The following CACNA1A variants were observed in gnomAD, a reference collection of about 807,000 sequenced individuals.
CACNA1A encodes the protein calcium voltage-gated channel subunit alpha1 A.
A neutral mutation model predicts 262.4 loss-of-function variants in CACNA1A; 57 were observed. That is an observed-to-expected ratio of 0.22 (90% CI 0.18 to 0.27). CACNA1A has a LOEUF of 0.27. Among genes scored for constraint, CACNA1A ranks in the 10% least tolerant of loss-of-function variants. CACNA1A has a pLI of 1.00. For missense variants in CACNA1A, 2,526 were observed against 3,562.8 expected, an observed-to-expected ratio of 0.71 and a Z score of 7.41; for synonymous variants, 1,431 against 1,419.3, an observed-to-expected ratio of 1.01 and a Z score of -0.18.
At chr19:13,320,006 A>T (rs2058215134) in intron 10 of CACNA1A, among the ~76,000 whole-genome samples, 1 of 152,158 alleles carries the variant, frequency 6.6e-6, no homozygotes, top group Non-Finnish European at 1.5e-5. Context: ...GGCCAGGCCC[A>T]GTGGCTGTGA....
At chr19:13,228,277 G>C (rs1375427686) in intron 36 of CACNA1A, among the ~76,000 whole-genome samples, 6 of 151,872 alleles carry the variant, frequency 4.0e-5, no homozygotes, top group Non-Finnish European at 8.8e-5. Flanking sequence ...GGGGGCCTAG[G>C]TGGGGAGCAG....
Position 13,283,380 on chromosome 19 carries a change from G to A in CACNA1A, c.3709C>T (p.His1237Tyr). 6.2e-7 allele frequency: 1 copy of A among 1,613,964 alleles called. No individual in the cohort carries two copies. ...AAGTAGCGCAGGTTCAGGATGTAAT[G>A]GCACAGGCGGCGAAGGCTGTTGGAG... is the stretch of plus-strand genomic sequence containing the variant. The part of the protein sequence containing the change: ...STTNPLRRLC[H>Y]YILNLRYFEM... The change falls in exon 22 of 47, where the codon CAT becomes TAT. Residue 1237 changes from histidine to tyrosine, a missense_variant. By Grantham distance (83) the His-to-Tyr change is moderately conservative. Coordinates refer to ENST00000360228, the MANE Select transcript of CACNA1A (RefSeq NM_001127222.2).
chr19:13,389,575 A>C (rs780511324), intron 3 of CACNA1A, among the ~76,000 whole-genome samples: 6 of 151,996 alleles, frequency 3.9e-5, no homozygotes, highest in African/African-American at 4.8e-5. Context: ...GCTTATTCAC[A>C]TATTTTTTCC....
chr19:13,238,845 C>T (rs1228871550), intron 31 of CACNA1A, among the ~76,000 whole-genome samples: 4 of 152,138 alleles, frequency 2.6e-5, no homozygotes, highest in African/African-American at 9.7e-5. Flanking sequence ...CCTCAGCCTC[C>T]CAAAGTGCTG....
intron 38 of CACNA1A, among the ~76,000 whole-genome samples, chr19:13,216,632 AT>A (rs1164626857): frequency 2.6e-5 from 4 of 151,422 alleles, no homozygotes; most frequent in Admixed American, 2.6e-4. Flanking sequence ...CTGGCCTATT[AT>A]TTTTTTTAAA....
rs2059191701 is a variant in CACNA1A, at chr19:13,365,471, TG to T, written c.632-3del. The T allele has an allele frequency of 6.2e-7, 1 of 1,613,002 alleles. No homozygotes were observed. The highest frequency in any genetic ancestry group is 1.1e-5 in the South Asian group (1 of 90,996). On this transcript the variant is annotated splice_region_variant and splice_polypyrimidine_tract_variant and intron_variant, in intron 4 of 46. Coordinates refer to ENST00000360228, the MANE Select transcript of CACNA1A (RefSeq NM_001127222.2). ...TCGACTTCAGGACGACTTGTAAACCTGGGGGGACACAGAGAGAGGCCCCATA... is the reference window on the plus strand; with the variant it reads ...TCGACTTCAGGACGACTTGTAAACCTGGGGGACACAGAGAGAGGCCCCATA...
At chr19:13,455,030 G>A (rs2144946623) in intron 2 of CACNA1A, 77 bp downstream of exon 2, 1 of 808,434 alleles carries the variant, frequency 1.2e-6, no homozygotes, top group Non-Finnish European at 2.1e-6. Context: ...AGCCTCCTCT[G>A]TGCCCTGCTC....
At chr19:13,208,524 G>A (rs1233594056) in intron 46 of CACNA1A, among the ~76,000 whole-genome samples, 2 of 150,676 alleles carry the variant, frequency 1.3e-5, no homozygotes, top group Non-Finnish European at 3.0e-5. Flanking sequence ...CGGCGGGGAG[G>A]GGGCGGCGGG....
At chr19:13,427,309 A>T (rs923911944) in intron 3 of CACNA1A, among the ~76,000 whole-genome samples, 1 of 152,022 alleles carries the variant, frequency 6.6e-6, no homozygotes, top group Admixed American at 6.6e-5. Flanking sequence ...TAAATTAGCC[A>T]GGCGTGGTGG....
chr19:13,234,816 G>T, intron 34 of CACNA1A, 105 bp downstream of exon 34: 1 of 789,052 alleles, frequency 1.3e-6, no homozygotes, highest in Admixed American at 2.0e-5. Context: ...AGGAGGGCAC[G>T]TCTTGCATTG....
At chr19:13,359,040 T>G (rs138470800) in intron 6 of CACNA1A, among the ~76,000 whole-genome samples, 133 of 152,310 alleles carry the variant, frequency 8.7e-4, no homozygotes, top group African/African-American at 2.9e-3. Flanking sequence ...TGGCCCTCAG[T>G]TGGGTTACGA....
At chr19:13,457,138 C>T (rs2061027458) in intron 1 of CACNA1A, among the ~76,000 whole-genome samples, 1 of 152,032 alleles carries the variant, frequency 6.6e-6, no homozygotes, top group Non-Finnish European at 1.5e-5. Context: ...GTAGTGCCAG[C>T]TACTTGGGAG....
chr19:13,379,486 G>A (rs532409906), intron 3 of CACNA1A, among the ~76,000 whole-genome samples: 3 of 152,252 alleles, frequency 2.0e-5, no homozygotes. Context: ...ATGTTAGGGC[G>A]ATGAGTGCTT....
intron 3 of CACNA1A, among the ~76,000 whole-genome samples, chr19:13,386,169 G>A (rs11673571): frequency 0.37 from 52,149 of 140,822 alleles, 10,546 homozygotes; most frequent in African/African-American, 0.51. Context: ...AAAAAAAAAA[G>A]AAGAAGAAGA....
intron 30 of CACNA1A, among the ~76,000 whole-genome samples, chr19:13,247,112 A>T (rs2056257784): frequency 6.6e-6 from 1 of 152,018 alleles, no homozygotes; most frequent in Non-Finnish European, 1.5e-5. Context: ...GGTCAGTGGG[A>T]CCCAAAACAC....
At position 13,505,999 on chromosome 19, in the gene CACNA1A, G is replaced by A. The variant is rs1469683674; in HGVS notation, c.226C>T (p.Arg76Trp). Residue 76 changes from arginine to tryptophan, a missense_variant, in exon 1 of 47, where the codon CGG (arginine) becomes TGG (tryptophan). This residue lies in a region of CACNA1A where 77 missense variants were observed against 228.4 expected (regional missense o/e 0.34). Coordinates refer to ENST00000360228, the MANE Select transcript of CACNA1A (RefSeq NM_001127222.2). The part of the protein sequence containing the change: ...PVRQNCLTVN[R>W]SLFLFSEDNV... ...TCTTCGCTGAAGAGGAAGAGAGACC[G>A]GTTAACCGTGAGGCAGTTCTGTCGG... 6.2e-7 allele frequency: 1 copy of A among 1,613,814 alleles called. No homozygotes were observed. Among genetic ancestry groups the A allele is most frequent in the African/African-American group, 1.3e-5 (1 of 74,936 alleles).
rs373695561 is a variant in CACNA1A, at chr19:13,303,873, G to A, written c.1998C>T (p.Gly666=). 28 of 1,611,720 alleles carry A rather than the reference G, an allele frequency of 1.7e-5. No homozygotes were observed. Among genetic ancestry groups the A allele is most frequent in the Admixed American group, 5.0e-5 (3 of 59,936 alleles). ...CGTACATGACCTCGTTCCAGTCTTC[G>A]CCCGTCAGGATCTGAAAGGGGAGGA... ...AIMTVFQILT[G]EDWNEVMYDG... is the part of the protein sequence containing the mutation. Residue 666 remains glycine, a synonymous_variant, in exon 16 of 47, where the codon GGC becomes GGT. Transcript: ENST00000360228.
intron 37 of CACNA1A, 103 bp downstream of exon 37, chr19:13,227,321 TGGAAAAA>T: frequency 1.9e-6 from 1 of 517,876 alleles, no homozygotes; most frequent in Non-Finnish European, 3.6e-6. Context: ...AGAGAAACGT[TGGAAAAA>T]GAGAGTCGGC....
chr19:13,342,138 C>A (rs895164942), intron 6 of CACNA1A, among the ~76,000 whole-genome samples: 1 of 151,038 alleles, frequency 6.6e-6, no homozygotes, highest in African/African-American at 2.4e-5. Context: ...ACTCTGGAAT[C>A]AACAATTCCC....
Sources: allele counts gnomAD v4.1 joint callset (sites outside exome capture counted in the v4.1 genomes callset), GRCh38; gene constraint gnomAD v4.1.1; regional missense constraint gnomAD v4.1.1; transcripts MANE v1.5; gene names NCBI Gene and HGNC (gene_info 2026-07-23, HGNC 2026-07-21).